The following RABGEF1 variants were observed in gnomAD, a reference collection of about 807,000 sequenced individuals.
The protein encoded by RABGEF1 is rab5 GDP/GTP exchange factor.
A neutral mutation model predicts 57.3 loss-of-function variants in RABGEF1; 26 were observed. The ratio of observed to expected loss-of-function variants is 0.45; its 90% CI spans 0.33 to 0.63. The LOEUF (loss-of-function observed/expected upper bound fraction) is 0.63, where lower values mean the gene tolerates loss of function less well. RABGEF1 is among the 20% of genes least tolerant of loss of function. The pLI is 0.02. For synonymous variants in RABGEF1, 185 were observed against 210.7 expected (o/e 0.88, Z 1.06); for missense variants, 464 against 607.6 (o/e 0.76, Z 2.48).
At chr7:66,744,245 A>G (rs1799673585) in intron 1 of RABGEF1, among the ~76,000 whole-genome samples, 6 of 151,324 alleles carry the variant, frequency 4.0e-5, no homozygotes. Flanking sequence ...TTTTCTGCTT[A>G]TTAGATGTTT....
At chr7:66,716,792 G>C (rs1795453305) in intron 2 of RABGEF1, among the ~76,000 whole-genome samples, 1 of 151,998 alleles carries the variant, frequency 6.6e-6, no homozygotes, top group Admixed American at 6.6e-5. Flanking sequence ...GTTTGTTTGA[G>C]ACAGGAGACA....
upstream of RABGEF1, among the ~76,000 whole-genome samples, chr7:66,680,915 G>A (rs1355188476): frequency 2.0e-5 from 3 of 151,974 alleles, no homozygotes; most frequent in South Asian, 2.1e-4. Context: ...ACCCCGTCTC[G>A]ACTAAAAATA....
intron 4 of RABGEF1, among the ~76,000 whole-genome samples, chr7:66,789,784 G>C (rs1021616971): frequency 2.6e-5 from 4 of 152,002 alleles, no homozygotes; most frequent in African/African-American, 9.7e-5. Flanking sequence ...GATAGGCGAG[G>C]GGAAACTTAA....
intron 1 of RABGEF1, among the ~76,000 whole-genome samples, chr7:66,701,737 G>A (rs1793305747): frequency 1.3e-5 from 2 of 151,986 alleles, no homozygotes; most frequent in African/African-American, 2.4e-5. Context: ...TTGAACTCAC[G>A]ACCTCAGGGA....
chr7:66,663,273 T>G, the RABGEF1 span, among the ~76,000 whole-genome samples: 1 of 152,180 alleles, frequency 6.6e-6, no homozygotes, highest in African/African-American at 2.4e-5. Flanking sequence ...AAATCTCTGT[T>G]TGGGGCTCTC....
chr7:66,719,036 T>TG (rs1240730077), intron 2 of RABGEF1, among the ~76,000 whole-genome samples: 5 of 152,348 alleles, frequency 3.3e-5, no homozygotes, highest in Admixed American at 1.3e-4. Flanking sequence ...CCAGCACTCT[T>TG]GGGGCCACAG....
chr7:66,759,110 G>C (rs1803554837), intron 1 of RABGEF1, among the ~76,000 whole-genome samples: 1 of 152,200 alleles, frequency 6.6e-6, no homozygotes, highest in Non-Finnish European at 1.5e-5. Context: ...CCATAGTCAA[G>C]ATACAGAACT....
intron 6 of RABGEF1, among the ~76,000 whole-genome samples, chr7:66,798,697 C>T (rs1786604839): frequency 6.6e-6 from 1 of 152,164 alleles, no homozygotes; most frequent in Non-Finnish European, 1.5e-5. Flanking sequence ...GGTGTGGTGG[C>T]TCGCACCTGT....
At chr7:66,744,551 C>T (rs1799757249) in intron 1 of RABGEF1, among the ~76,000 whole-genome samples, 1 of 150,734 alleles carries the variant, frequency 6.6e-6, no homozygotes, top group African/African-American at 2.4e-5. Context: ...GCCTGTAGTC[C>T]CAGCTACTCG....
At chr7:66,783,054 G>T (rs1393858082) in intron 3 of RABGEF1, among the ~76,000 whole-genome samples, 2 of 152,114 alleles carry the variant, frequency 1.3e-5, no homozygotes, top group Admixed American at 6.5e-5. Flanking sequence ...CCAGCCGGTG[G>T]GATAGTGTAG....
intron 1 of RABGEF1, among the ~76,000 whole-genome samples, chr7:66,763,734 T>C (rs757698237): frequency 6.6e-6 from 1 of 152,242 alleles, no homozygotes; most frequent in Non-Finnish European, 1.5e-5. Flanking sequence ...TGGAATCATA[T>C]AATGTGTGGT....
At chr7:66,691,915 AGT>A (rs1184010314) in intron 1 of RABGEF1, among the ~76,000 whole-genome samples, 1 of 151,862 alleles carries the variant, frequency 6.6e-6, no homozygotes, top group African/African-American at 2.4e-5. Flanking sequence ...AAATTAGTAA[AGT>A]GTGCTGGCAC....
intron 4 of RABGEF1, among the ~76,000 whole-genome samples, chr7:66,793,090 C>T (rs1477246595): frequency 6.6e-6 from 1 of 152,054 alleles, no homozygotes; most frequent in African/African-American, 2.4e-5. Context: ...TCCCTTGACA[C>T]CAGTAAGACA....
chr7:66,775,486 C>T (rs1311700974), intron 3 of RABGEF1, 93 bp downstream of exon 3: 1 of 1,461,566 alleles, frequency 6.8e-7, no homozygotes, highest in Non-Finnish European at 9.2e-7. Context: ...TAATTTCTGT[C>T]AACTTTTTGA....
At chr7:66,683,879 T>A (rs1446612047) in intron 1 of RABGEF1, among the ~76,000 whole-genome samples, 2 of 152,108 alleles carry the variant, frequency 1.3e-5, no homozygotes, top group Non-Finnish European at 2.9e-5. Flanking sequence ...TAGCTGAGAC[T>A]GCAAATGGGT....
At chr7:66,741,707 AT>A (rs941070636) in intron 1 of RABGEF1, among the ~76,000 whole-genome samples, 13 of 151,762 alleles carry the variant, frequency 8.6e-5, no homozygotes, top group African/African-American at 1.5e-4. Context: ...TTTATTTATT[AT>A]TTTTTTCGAC....
chr7:66,806,591 A>G (rs1788488443), intron 8 of RABGEF1, among the ~76,000 whole-genome samples: 1 of 152,114 alleles, frequency 6.6e-6, no homozygotes. Flanking sequence ...TAGTACTGAA[A>G]AAAGTTTAAG....
intron 7 of RABGEF1, among the ~76,000 whole-genome samples, chr7:66,802,152 C>G (rs111441628): frequency 0.042 from 6,331 of 152,194 alleles, 150 homozygotes; most frequent in African/African-American, 0.073. Context: ...ACTCACCTCC[C>G]TAAGTTACTA....
At chr7:66,727,693 C>T (rs1183462815) in intron 2 of RABGEF1, among the ~76,000 whole-genome samples, 9 of 152,358 alleles carry the variant, frequency 5.9e-5, no homozygotes, top group Admixed American at 2.6e-4. Context: ...AGGCCAGCCC[C>T]TCGCAGGGGT....
Sources: gnomAD v4.1 joint callset for allele counts (sites outside exome capture counted in the v4.1 genomes callset) on GRCh38, gnomAD v4.1.1 for gene constraint, MANE v1.5 for transcripts, NCBI Gene and HGNC (gene_info 2026-07-23, HGNC 2026-07-21) for gene names.